The following ZZZ3 variants were observed in gnomAD, a reference collection of about 807,000 sequenced individuals.
ZZZ3 encodes ZZ-type zinc finger-containing protein 3.
ZZZ3 carries 22 observed loss-of-function variants against 95.2 expected under a neutral mutation model. That is an observed-to-expected ratio of 0.23 (90% CI 0.17 to 0.33). ZZZ3 has a LOEUF of 0.33. ZZZ3 is among the 10% of genes least tolerant of loss of function. The probability of loss-of-function intolerance (pLI) is 1.00; values close to 1 mark genes in which losing one functional copy is unlikely to be tolerated. For missense variants in ZZZ3, 885 were observed against 1,066.5 expected, an observed-to-expected ratio of 0.83 and a Z score of 2.37; for synonymous variants, 335 against 358.9, an observed-to-expected ratio of 0.93 and a Z score of 0.75.
intron 1 of ZZZ3, among the ~76,000 whole-genome samples, chr1:77,670,258 A>C (rs1245619529): frequency 8.2e-6 from 1 of 121,906 alleles, no homozygotes; most frequent in Non-Finnish European, 1.6e-5. Flanking sequence ...TACAACATGC[A>C]ATTTTTTTTT....
chr1:77,674,171 T>C (rs890429074), intron 1 of ZZZ3, among the ~76,000 whole-genome samples: 3 of 152,166 alleles, frequency 2.0e-5, no homozygotes, highest in Non-Finnish European at 2.9e-5. Context: ...TTATTTGATG[T>C]CCCCTCCTAG....
chr1:77,589,973 T>A (rs945443788), intron 5 of ZZZ3, among the ~76,000 whole-genome samples: 2 of 152,176 alleles, frequency 1.3e-5, no homozygotes, highest in Admixed American at 6.6e-5. Flanking sequence ...TGGGCATTTG[T>A]AATCTAAAAA....
chr1:77,655,222 C>T (rs958316395), intron 1 of ZZZ3, among the ~76,000 whole-genome samples: 3 of 152,156 alleles, frequency 2.0e-5, no homozygotes, highest in African/African-American at 4.8e-5. Context: ...GATCCAATCA[C>T]GTCTTAAAGG....
At chr1:77,658,974 T>C (rs1269284963) in intron 1 of ZZZ3, among the ~76,000 whole-genome samples, 1 of 152,162 alleles carries the variant, frequency 6.6e-6, no homozygotes, top group African/African-American at 2.4e-5. Context: ...AATATACTTC[T>C]TTGGGAGGCC....
chr1:77,628,251 A>G (rs529912782), intron 5 of ZZZ3, among the ~76,000 whole-genome samples: 27 of 152,346 alleles, frequency 1.8e-4, no homozygotes, highest in Admixed American at 5.9e-4. Context: ...AACAGATTCT[A>G]TCAACCCTGA....
intron 5 of ZZZ3, among the ~76,000 whole-genome samples, chr1:77,610,300 G>A (rs1665665929): frequency 6.6e-6 from 1 of 151,860 alleles, no homozygotes; most frequent in African/African-American, 2.4e-5. Context: ...CCAATAACAA[G>A]TAACAAGATC....
At chr1:77,646,901 TAC>T (rs1274487124) in intron 1 of ZZZ3, among the ~76,000 whole-genome samples, 2 of 152,042 alleles carry the variant, frequency 1.3e-5, no homozygotes, top group African/African-American at 2.4e-5. Flanking sequence ...CCAAGGTAGC[TAC>T]AGTCTCCCAG....
chr1:77,680,808 T>A (rs1672686439), intron 1 of ZZZ3, among the ~76,000 whole-genome samples: 1 of 152,098 alleles, frequency 6.6e-6, no homozygotes, highest in Non-Finnish European at 1.5e-5. Context: ...ATATATAAAG[T>A]TAAATACATA....
At chr1:77,657,090 C>G (rs1425668086) in intron 1 of ZZZ3, among the ~76,000 whole-genome samples, 1 of 152,194 alleles carries the variant, frequency 6.6e-6, no homozygotes, top group African/African-American at 2.4e-5. Flanking sequence ...AAGTGATTCT[C>G]ATGCCTCAGC....
intron 1 of ZZZ3, among the ~76,000 whole-genome samples, chr1:77,654,185 C>CAAAA (rs749067016): frequency 7.5e-5 from 5 of 66,318 alleles, no homozygotes; most frequent in South Asian, 4.6e-4. Context: ...GACTCCATCT[C>CAAAA]AAAAAAAAAA....
At chr1:77,674,179 T>G (rs1041802448) in intron 1 of ZZZ3, among the ~76,000 whole-genome samples, 4 of 152,168 alleles carry the variant, frequency 2.6e-5, no homozygotes, top group African/African-American at 9.7e-5. Flanking sequence ...TGTCCCCTCC[T>G]AGGAGTTCTT....
At chr1:77,618,518 C>G (rs1262981315) in intron 5 of ZZZ3, among the ~76,000 whole-genome samples, 1 of 152,102 alleles carries the variant, frequency 6.6e-6, no homozygotes, top group Non-Finnish European at 1.5e-5. Flanking sequence ...CTGTACTGTA[C>G]AAAGACAAGC....
intron 5 of ZZZ3, among the ~76,000 whole-genome samples, chr1:77,623,344 G>A (rs2100800581): frequency 6.6e-6 from 1 of 152,242 alleles, no homozygotes; most frequent in Admixed American, 6.5e-5. Context: ...AGGTCCTCTT[G>A]AGTCTGGCTG....
Position 77,581,994 on chromosome 1 carries a change from G to T in ZZZ3, c.1777C>A (p.Leu593Ile). The T allele has an allele frequency of 6.2e-7, 1 of 1,603,106 alleles. No individual in the cohort carries two copies. Among genetic ancestry groups the T allele is most frequent in the Admixed American group, 1.7e-5 (1 of 59,220 alleles). ...NRKRHTRRVK[L>I]VFDKVGLPAR... The stretch of plus-strand genomic sequence containing the variant: ...GATTTCTTACCTTTATCAAAAACTA[G>T]CTTAACTCTTCTAGTATGTCTTTTA... The change falls in exon 7 of 15, where the codon CTA becomes ATA. Residue 593 changes from leucine to isoleucine, a missense_variant. By Grantham distance (5) the Leu-to-Ile change is conservative (BLOSUM62 2). Coordinates refer to ENST00000370801, the MANE Select transcript of ZZZ3 (RefSeq NM_015534.6).
intron 1 of ZZZ3, among the ~76,000 whole-genome samples, chr1:77,658,759 C>G (rs1670520061): frequency 6.6e-6 from 1 of 152,104 alleles, no homozygotes; most frequent in South Asian, 2.1e-4. Context: ...TGATATTATA[C>G]TATTTATTAT....
At chr1:77,672,447 A>T (rs1557783260) in intron 1 of ZZZ3, among the ~76,000 whole-genome samples, 1 of 152,216 alleles carries the variant, frequency 6.6e-6, no homozygotes, top group Non-Finnish European at 1.5e-5. Context: ...AGGTTCTCTC[A>T]TCTAGGATAT....
chr1:77,622,019 A>G (rs1026761392), intron 5 of ZZZ3, among the ~76,000 whole-genome samples: 1 of 151,808 alleles, frequency 6.6e-6, no homozygotes, highest in Non-Finnish European at 1.5e-5. Flanking sequence ...GAATGCGTTA[A>G]TAACTGAAGG....
At chr1:77,607,127 C>T (rs190844879) in intron 5 of ZZZ3, among the ~76,000 whole-genome samples, 7 of 152,252 alleles carry the variant, frequency 4.6e-5, no homozygotes, top group Admixed American at 1.3e-4. Flanking sequence ...GACAGGAAAG[C>T]GGTTTAATTG....
intron 10 of ZZZ3, 145 bp downstream of exon 10, chr1:77,579,382 C>T (rs72683638): frequency 3.8e-6 from 2 of 529,988 alleles, no homozygotes; most frequent in Non-Finnish European, 6.6e-6. Context: ...AAAATATATA[C>T]AATTTTTTTA....
Sources: allele counts gnomAD v4.1 joint callset (sites outside exome capture counted in the v4.1 genomes callset), GRCh38; gene constraint gnomAD v4.1.1; transcripts MANE v1.5; gene names NCBI Gene and HGNC (gene_info 2026-07-23, HGNC 2026-07-21).